NELL1: variants seen among roughly 807,000 people sequenced by gnomAD.
The protein encoded by NELL1 is protein kinase C-binding protein NELL1.
In NELL1, 76 loss-of-function variants were observed where a neutral mutation model predicts 107.4. The observed-to-expected ratio is 0.71, with a 90% CI of 0.59 to 0.86. NELL1 has a LOEUF of 0.86. Ranked by LOEUF, NELL1 falls within the 40% of genes least tolerant of loss-of-function variation. The pLI is 0.00. For synonymous variants in NELL1, 353 were observed against 341.2 expected (o/e 1.03, Z -0.38); for missense variants, 1,024 against 1,005.5 (o/e 1.02, Z -0.25).
At chr11:20,752,389 A>T (rs1190449940) in intron 2 of NELL1, among the ~76,000 whole-genome samples, 1 of 152,122 alleles carries the variant, frequency 6.6e-6, no homozygotes, top group East Asian at 1.9e-4. Flanking sequence ...ATCTCTACTA[A>T]AAATACAAAA....
At chr11:21,158,804 A>G (rs1440178381) in intron 13 of NELL1, among the ~76,000 whole-genome samples, 2 of 152,172 alleles carry the variant, frequency 1.3e-5, no homozygotes, top group Non-Finnish European at 2.9e-5. Context: ...GTTATTTATT[A>G]TAGAGTAATA....
chr11:21,246,130 G>A (rs1199873832), intron 14 of NELL1, among the ~76,000 whole-genome samples: 1 of 152,032 alleles, frequency 6.6e-6, no homozygotes, highest in African/African-American at 2.4e-5. Flanking sequence ...TATATATTGA[G>A]CGTCTATATG....
intron 15 of NELL1, among the ~76,000 whole-genome samples, chr11:21,416,639 T>C (rs1564884002): frequency 6.6e-6 from 1 of 152,126 alleles, no homozygotes; most frequent in Non-Finnish European, 1.5e-5. Context: ...TGGTGATTTT[T>C]AAAGGATTTC....
At chr11:20,842,371 TA>T (rs200472794) in intron 3 of NELL1, among the ~76,000 whole-genome samples, 6,983 of 140,504 alleles carry the variant, frequency 0.05, 190 homozygotes, top group South Asian at 0.09. Flanking sequence ...AGACTCCGTT[TA>T]AAAAAAAAAA....
chr11:20,861,159 C>T (rs1382086998), intron 4 of NELL1, among the ~76,000 whole-genome samples: 1 of 152,020 alleles, frequency 6.6e-6, no homozygotes, highest in Non-Finnish European at 1.5e-5. Flanking sequence ...TATACAATAC[C>T]CATTGCCCTG....
chr11:21,005,886 A>C (rs1208076509), intron 12 of NELL1, among the ~76,000 whole-genome samples: 1 of 152,136 alleles, frequency 6.6e-6, no homozygotes, highest in Non-Finnish European at 1.5e-5. Flanking sequence ...CTGGTATAGC[A>C]AAGTAGCAAT....
chr11:21,126,978 T>G (rs1302906097), intron 13 of NELL1, among the ~76,000 whole-genome samples: 1 of 152,244 alleles, frequency 6.6e-6, no homozygotes, highest in Non-Finnish European at 1.5e-5. Context: ...CTCTGTTAGC[T>G]CCCTTTAAAA....
At chr11:20,736,882 G>GCC (rs1471609295) in intron 2 of NELL1, among the ~76,000 whole-genome samples, 1 of 151,834 alleles carries the variant, frequency 6.6e-6, no homozygotes, top group Non-Finnish European at 1.5e-5. Context: ...AGCCTCCCGA[G>GCC]TAGCTGGGAT....
chr11:20,716,985 A>G (rs1206011971), intron 2 of NELL1, among the ~76,000 whole-genome samples: 1 of 152,206 alleles, frequency 6.6e-6, no homozygotes, highest in Non-Finnish European at 1.5e-5. Flanking sequence ...GATCTAGTTC[A>G]TTAGTTTGAA....
intron 14 of NELL1, among the ~76,000 whole-genome samples, chr11:21,360,236 T>A (rs1158440522): frequency 2.0e-5 from 3 of 152,166 alleles, no homozygotes; most frequent in Non-Finnish European, 4.4e-5. Flanking sequence ...CATCTTGATT[T>A]CTTTGTTGAC....
intron 12 of NELL1, among the ~76,000 whole-genome samples, chr11:20,994,938 T>C (rs1852056445): frequency 6.6e-6 from 1 of 152,196 alleles, no homozygotes; most frequent in Non-Finnish European, 1.5e-5. Flanking sequence ...TAACAGCCCA[T>C]GTTAGACATG....
At chr11:20,936,966 G>T (rs1564975550) in intron 9 of NELL1, among the ~76,000 whole-genome samples, 1 of 152,156 alleles carries the variant, frequency 6.6e-6, no homozygotes, top group Non-Finnish European at 1.5e-5. Context: ...GGCTAGAAGG[G>T]TCCTCATCAG....
At chr11:21,041,268 A>G (rs1853223663) in intron 12 of NELL1, among the ~76,000 whole-genome samples, 1 of 152,170 alleles carries the variant, frequency 6.6e-6, no homozygotes, top group Non-Finnish European at 1.5e-5. Context: ...CAATAAGGTA[A>G]TGCCTTACCT....
At chr11:20,719,983 G>T (rs1202891392) in intron 2 of NELL1, among the ~76,000 whole-genome samples, 1 of 152,190 alleles carries the variant, frequency 6.6e-6, no homozygotes, top group African/African-American at 2.4e-5. Flanking sequence ...TTAACAATGG[G>T]TGGGACATCT....
intron 16 of NELL1, among the ~76,000 whole-genome samples, chr11:21,538,361 G>A (rs562563043): frequency 6.6e-6 from 1 of 152,182 alleles, no homozygotes; most frequent in African/African-American, 2.4e-5. Flanking sequence ...CTTATTTTAT[G>A]AGAAGAAATG....
intron 3 of NELL1, among the ~76,000 whole-genome samples, chr11:20,829,790 T>TG (rs1857966740): frequency 1.3e-5 from 2 of 152,180 alleles, no homozygotes; most frequent in Admixed American, 6.5e-5. Flanking sequence ...AAGTTATTAT[T>TG]ATTTTTTTTT....
At chr11:20,935,039 T>C (rs562608034) in intron 9 of NELL1, among the ~76,000 whole-genome samples, 1 of 152,290 alleles carries the variant, frequency 6.6e-6, no homozygotes, top group African/African-American at 2.4e-5. Context: ...TTTGACTGTT[T>C]TTTGCCACCT....
intron 12 of NELL1, among the ~76,000 whole-genome samples, chr11:21,111,484 A>T (rs909266975): frequency 2.6e-5 from 4 of 152,046 alleles, no homozygotes; most frequent in African/African-American, 7.2e-5. Context: ...CCAATCAGGG[A>T]AGGCATGGTG....
intron 4 of NELL1, among the ~76,000 whole-genome samples, chr11:20,879,580 G>C (rs1849369659): frequency 1.3e-5 from 2 of 152,010 alleles, no homozygotes; most frequent in African/African-American, 2.4e-5. Flanking sequence ...CTGATGGCCA[G>C]GTGTGTGTGT....
Sources: allele counts gnomAD v4.1 joint callset (sites outside exome capture counted in the v4.1 genomes callset), GRCh38; gene constraint gnomAD v4.1.1; transcripts MANE v1.5; gene names NCBI Gene and HGNC (gene_info 2026-07-23, HGNC 2026-07-21).